The following AK5 variants were observed in gnomAD, a reference collection of about 807,000 sequenced individuals.
AK5 encodes adenylate kinase isoenzyme 5.
AK5 carries 27 observed loss-of-function variants against 69.5 expected under a neutral mutation model. The ratio of observed to expected loss-of-function variants is 0.39; its 90% CI spans 0.29 to 0.54. The LOEUF (loss-of-function observed/expected upper bound fraction) is 0.54, where lower values mean the gene tolerates loss of function less well. AK5 is among the 20% of genes least tolerant of loss of function. The pLI is 0.71. For missense variants in AK5, 531 were observed against 700.4 expected (o/e 0.76, Z 2.73); for synonymous variants, 260 against 244.4 (o/e 1.06, Z -0.60).
chr1:77,506,386 G>GAGATGGGGGTAGGGTGA (rs1553158697), intron 10 of AK5, among the ~76,000 whole-genome samples: 3 of 152,108 alleles, frequency 2.0e-5, no homozygotes, highest in Non-Finnish European at 4.4e-5. Context: ...TCTCTGTTCA[G>GAGATGGGGGTAGGGTGA]AGATGGGGGT....
chr1:77,468,061 G>A (rs968829238), intron 8 of AK5, among the ~76,000 whole-genome samples: 5 of 152,222 alleles, frequency 3.3e-5, no homozygotes, highest in African/African-American at 1.2e-4. Flanking sequence ...GGGTCTTAGA[G>A]GACTGGCCTG....
intron 8 of AK5, among the ~76,000 whole-genome samples, chr1:77,451,016 A>T (rs918484095): frequency 6.6e-6 from 1 of 152,042 alleles, no homozygotes; most frequent in Non-Finnish European, 1.5e-5. Flanking sequence ...TCTCTAAAAA[A>T]CTTTTTTTAA....
intron 10 of AK5, among the ~76,000 whole-genome samples, chr1:77,497,897 A>G (rs1204332786): frequency 6.6e-6 from 1 of 152,148 alleles, no homozygotes; most frequent in Non-Finnish European, 1.5e-5. Flanking sequence ...TAAACATCTT[A>G]AGATTGAGAT....
chr1:77,286,392 AG>A (rs1658353069), intron 1 of AK5, among the ~76,000 whole-genome samples: 3 of 150,046 alleles, frequency 2.0e-5, no homozygotes, highest in South Asian at 4.3e-4. Context: ...ATTGCTTAAG[AG>A]GCAGAGAATG....
chr1:77,366,584 G>A lies in AK5; in HGVS notation c.891+26016G>A, dbSNP rs942303533. Among the ~76,000 whole-genome samples the A allele has an allele frequency of 1.5e-4, 23 of 152,242 alleles. 1 individual carries two copies. In the South Asian group the frequency reaches 2.1e-3, roughly 14 times the overall value. The stretch of plus-strand genomic sequence containing the variant: ...CATTCTACCTCTACCCCAGGAATAA[G>A]GGTTGCAAAGCTTTATTTTCACAGT... On this transcript the variant is annotated intron_variant, in intron 6 of 13. Coordinates refer to ENST00000354567, the MANE Select transcript of AK5 (RefSeq NM_174858.3).
chr1:77,554,738 TG>T (rs1372034965), intron 13 of AK5, among the ~76,000 whole-genome samples: 1 of 150,930 alleles, frequency 6.6e-6, no homozygotes, highest in Non-Finnish European at 1.5e-5. Flanking sequence ...CCCGAGTAGC[TG>T]GGACTACAGG....
chr1:77,541,659 C>A (rs901424231), intron 13 of AK5, among the ~76,000 whole-genome samples: 1 of 152,114 alleles, frequency 6.6e-6, no homozygotes, highest in African/African-American at 2.4e-5. Flanking sequence ...CACAGCAGGC[C>A]CTAGAAGGCG....
At chr1:77,331,745 C>T (rs1661096487) in intron 5 of AK5, among the ~76,000 whole-genome samples, 1 of 152,042 alleles carries the variant, frequency 6.6e-6, no homozygotes, top group South Asian at 2.1e-4. Flanking sequence ...AAAATATTCC[C>T]TTTTTTTGGT....
chr1:77,464,697 G>A (rs984748937), intron 8 of AK5, among the ~76,000 whole-genome samples: 4 of 152,150 alleles, frequency 2.6e-5, no homozygotes, highest in Non-Finnish European at 5.9e-5. Context: ...TACTACAGTA[G>A]TGTAAAGTCC....
chr1:77,376,462 A>AAAAAAAAAG (rs1647259132), intron 6 of AK5, among the ~76,000 whole-genome samples: 1 of 135,612 alleles, frequency 7.4e-6, no homozygotes, highest in Non-Finnish European at 1.6e-5. Context: ...AAAAAAAAAA[A>AAAAAAAAAG]ACATGTCTTA....
chr1:77,553,793 G>A (rs976735223), intron 13 of AK5, among the ~76,000 whole-genome samples: 2 of 152,086 alleles, frequency 1.3e-5, no homozygotes, highest in African/African-American at 4.8e-5. Flanking sequence ...GAGAAGGGGC[G>A]GGAATGTGAG....
At chr1:77,553,694 C>T (rs1249524758) in intron 13 of AK5, among the ~76,000 whole-genome samples, 2 of 152,170 alleles carry the variant, frequency 1.3e-5, no homozygotes, top group Non-Finnish European at 2.9e-5. Context: ...GCATTTTCCA[C>T]TGATACGATC....
chr1:77,371,148 A>G (rs1647114693), intron 6 of AK5, among the ~76,000 whole-genome samples: 1 of 152,174 alleles, frequency 6.6e-6, no homozygotes, highest in South Asian at 2.1e-4. Flanking sequence ...TCCCCCTTGC[A>G]GTCAGAATTC....
At chr1:77,515,049 C>G (rs115064773) in intron 10 of AK5, among the ~76,000 whole-genome samples, 4 of 152,148 alleles carry the variant, frequency 2.6e-5, no homozygotes, top group African/African-American at 7.2e-5. Flanking sequence ...TACTGAGAGA[C>G]GGGAGGCATA....
intron 10 of AK5, among the ~76,000 whole-genome samples, chr1:77,506,361 G>A (rs1276514955): frequency 6.6e-6 from 1 of 152,038 alleles, no homozygotes; most frequent in Non-Finnish European, 1.5e-5. Flanking sequence ...GAGCAGTTTG[G>A]AAATCTTGTC....
chr1:77,340,562 C>G lies in AK5; in HGVS notation c.885C>G (p.Ile295Met). 2 of 1,613,622 alleles carry G rather than the reference C, an allele frequency of 1.2e-6. No homozygotes were observed. Among genetic ancestry groups the G allele is most frequent in the Non-Finnish European group, 8.5e-7 (1 of 1,179,746 alleles). ...AATACTTCCAGGAAAAGGGGCTCATCATGACAGTAAGTTAGCTCGACTTTT... is the reference window on the plus strand; with the variant it reads ...AATACTTCCAGGAAAAGGGGCTCATGATGACAGTAAGTTAGCTCGACTTTT... ...LVKYFQEKGL[I>M]MTFDADRDED... Residue 295 changes from isoleucine to methionine, a missense_variant, in exon 6 of 14, where the codon ATC (isoleucine) becomes ATG (methionine). Physicochemically the swap from Ile to Met is conservative, Grantham distance 10 (BLOSUM62 1). Coordinates refer to ENST00000354567, the MANE Select transcript of AK5 (RefSeq NM_174858.3).
chr1:77,321,940 G>A (rs1051057483), intron 5 of AK5, among the ~76,000 whole-genome samples: 19 of 152,088 alleles, frequency 1.2e-4, no homozygotes, highest in Non-Finnish European at 2.5e-4. Context: ...GCAAGGTCAT[G>A]GAATACAAGG....
intron 2 of AK5, among the ~76,000 whole-genome samples, chr1:77,289,862 C>CAAAAAA (rs55819317): frequency 4.6e-5 from 3 of 64,700 alleles, no homozygotes; most frequent in African/African-American, 1.9e-4. Context: ...GACTCCGTCT[C>CAAAAAA]AAAAAAAAAA....
intron 8 of AK5, among the ~76,000 whole-genome samples, chr1:77,441,883 A>G (rs1652350699): frequency 1.3e-5 from 2 of 152,050 alleles, no homozygotes; most frequent in South Asian, 4.2e-4. Flanking sequence ...TCTCTGTGGC[A>G]GCGTTGGAGG....
Sources: allele counts gnomAD v4.1 joint callset (sites outside exome capture counted in the v4.1 genomes callset), GRCh38; gene constraint gnomAD v4.1.1; transcripts MANE v1.5; gene names NCBI Gene and HGNC (gene_info 2026-07-23, HGNC 2026-07-21).